Variants in SNX29 observed in about 807,000 individuals in gnomAD.
SNX29 encodes the protein sorting nexin-29.
In SNX29, 78 loss-of-function variants were observed where a neutral mutation model predicts 102.1. The ratio of observed to expected loss-of-function variants is 0.76; its 90% CI spans 0.64 to 0.92. SNX29 has a LOEUF of 0.92. SNX29 is among the 40% of genes least tolerant of loss of function. SNX29 has a pLI of 0.00. For missense variants in SNX29, 1,280 were observed against 1,061.7 expected (o/e 1.21, Z -2.86); for synonymous variants, 580 against 414.5 (o/e 1.40, Z -4.85).
intron 10 of SNX29, among the ~76,000 whole-genome samples, chr16:12,074,071 G>A (rs1340938128): frequency 4.0e-5 from 6 of 150,980 alleles, no homozygotes; most frequent in Non-Finnish European, 8.9e-5. Context: ...GTCTCTGCAC[G>A]TGAGATGGGT....
At chr16:12,338,468 C>T (rs1038091692) in intron 15 of SNX29, among the ~76,000 whole-genome samples, 11 of 152,190 alleles carry the variant, frequency 7.2e-5, no homozygotes, top group East Asian at 3.9e-4. Flanking sequence ...AGGTTCTCAC[C>T]GTGCATCAGG....
At chr16:12,258,326 G>A (rs1039350843) in intron 14 of SNX29, among the ~76,000 whole-genome samples, 10 of 152,042 alleles carry the variant, frequency 6.6e-5, no homozygotes, top group African/African-American at 1.2e-4. Context: ...AAGAAGTCCC[G>A]CGTTCCCATG....
At chr16:12,017,408 C>T (rs925540931) in intron 3 of SNX29, among the ~76,000 whole-genome samples, 2 of 152,014 alleles carry the variant, frequency 1.3e-5, no homozygotes, top group African/African-American at 4.8e-5. Context: ...AGTTGCTTGT[C>T]TTATCCATTT....
intron 13 of SNX29, among the ~76,000 whole-genome samples, chr16:12,139,266 C>A (rs13337395): frequency 6.6e-6 from 1 of 150,528 alleles, no homozygotes; most frequent in African/African-American, 2.5e-5. Context: ...ATCGTGAGAC[C>A]GATCAGGTCC....
At chr16:12,285,419 T>C (rs1404565492) in intron 15 of SNX29, among the ~76,000 whole-genome samples, 2 of 152,258 alleles carry the variant, frequency 1.3e-5, no homozygotes, top group East Asian at 3.8e-4. Context: ...TATCGTTTAC[T>C]GTCTGAGTGT....
chr16:12,390,151 T>TGG (rs905066675), intron 16 of SNX29, among the ~76,000 whole-genome samples: 4 of 120,520 alleles, frequency 3.3e-5, no homozygotes, highest in Admixed American at 8.3e-5. Context: ...AATTGAGGGG[T>TGG]GTGTGTGTGT....
chr16:12,292,672 C>T (rs986425162), intron 15 of SNX29, among the ~76,000 whole-genome samples: 6 of 152,168 alleles, frequency 3.9e-5, no homozygotes, highest in African/African-American at 1.2e-4. Context: ...TTGTAAAAAG[C>T]GTTGACTCCA....
intron 1 of SNX29, among the ~76,000 whole-genome samples, chr16:11,989,490 G>T (rs1032684799): frequency 2.0e-5 from 3 of 152,118 alleles, no homozygotes; most frequent in African/African-American, 7.2e-5. Flanking sequence ...CTTTGGGGGA[G>T]AACGATTGTC....
intron 18 of SNX29, among the ~76,000 whole-genome samples, chr16:12,461,782 C>T (rs1424575953): frequency 6.6e-6 from 1 of 150,434 alleles, no homozygotes; most frequent in African/African-American, 2.4e-5. Flanking sequence ...CATGGTGAAA[C>T]CCTGTCTCTA....
chr16:12,553,404 G>C (rs1430488563), intron 20 of SNX29, among the ~76,000 whole-genome samples: 1 of 152,186 alleles, frequency 6.6e-6, no homozygotes, highest in East Asian at 1.9e-4. Flanking sequence ...AGTAGTTCTG[G>C]TGGTTGAAAA....
chr16:12,386,858 C>G (rs2083359560), intron 16 of SNX29, among the ~76,000 whole-genome samples: 1 of 151,100 alleles, frequency 6.6e-6, no homozygotes, highest in African/African-American at 2.4e-5. Flanking sequence ...GGCGTGGTGA[C>G]TCACGCCTGT....
At chr16:11,990,464 G>A (rs1425865873) in intron 1 of SNX29, among the ~76,000 whole-genome samples, 1 of 152,122 alleles carries the variant, frequency 6.6e-6, no homozygotes, top group Non-Finnish European at 1.5e-5. Context: ...GTCCCTCCTG[G>A]TCTTGTATGT....
rs1396364684 is a variant in SNX29 at position 12,033,517 on chromosome 16, C to T, written c.247+6073C>T. Among the ~76,000 whole-genome samples the T allele has an allele frequency of 2.0e-5, 3 of 152,262 alleles. No individual in the cohort carries two copies. The East Asian group carries it at 5.8e-4, about 29-fold the overall frequency. The stretch of plus-strand genomic sequence containing the variant: ...TTGTTTTCAAAAAGCCATTCATGAG[C>T]TCCCTACATGGTTCACCTGGACTGT... On this transcript the variant is annotated intron_variant, in intron 4 of 20. Coordinates refer to ENST00000566228, the MANE Select transcript of SNX29 (RefSeq NM_032167.5).
chr16:12,229,652 G>C (rs830716), intron 14 of SNX29, among the ~76,000 whole-genome samples: 115,415 of 151,774 alleles, frequency 0.76, 44,910 homozygotes, highest in African/African-American at 0.93. Flanking sequence ...AGGAAGATAA[G>C]TTCCTGCATT....
chr16:12,519,871 G>A (rs1429745045), intron 19 of SNX29, among the ~76,000 whole-genome samples: 1 of 152,064 alleles, frequency 6.6e-6, no homozygotes, highest in Non-Finnish European at 1.5e-5. Flanking sequence ...AGCTAGGCAT[G>A]GTGGTGTGCC....
intron 12 of SNX29, 70 bp from the exon 13 acceptor site, chr16:12,129,560 G>T (rs2054363502): frequency 6.6e-7 from 1 of 1,515,206 alleles, no homozygotes; most frequent in Admixed American, 2.1e-5. Flanking sequence ...ACTTATGTTA[G>T]GAACTGTGTC....
intron 19 of SNX29, among the ~76,000 whole-genome samples, chr16:12,479,566 A>G (rs2087810726): frequency 6.6e-6 from 1 of 152,334 alleles, no homozygotes; most frequent in South Asian, 2.1e-4. Context: ...CTGAACCACT[A>G]CACGTGGCAG....
intron 20 of SNX29, among the ~76,000 whole-genome samples, chr16:12,567,754 C>T (rs180773372): frequency 6.6e-6 from 1 of 152,182 alleles, no homozygotes; most frequent in Non-Finnish European, 1.5e-5. Context: ...AGAGTCGAGA[C>T]TGTCTCCAGA....
intron 9 of SNX29, among the ~76,000 whole-genome samples, chr16:12,062,421 T>TA (rs1180123265): frequency 6.6e-6 from 1 of 151,066 alleles, no homozygotes; most frequent in South Asian, 2.1e-4. Flanking sequence ...AATAAATAAA[T>TA]ATGTCTCTGG....
Sources: allele counts gnomAD v4.1 joint callset (sites outside exome capture counted in the v4.1 genomes callset), GRCh38; gene constraint gnomAD v4.1.1; transcripts MANE v1.5; gene names NCBI Gene and HGNC (gene_info 2026-07-23, HGNC 2026-07-21).